Variants in UNC93A observed in about 807,000 individuals in gnomAD.
UNC93A encodes unc-93 homolog A, also known as N-acetylglucosamine transporter UNC93A.
UNC93A carries 43 observed loss-of-function variants against 47.5 expected under a neutral mutation model. That is an observed-to-expected ratio of 0.91 (90% CI 0.71 to 1.17). The LOEUF is 1.17. UNC93A is among the 50% of genes most tolerant of loss of function. The pLI is 0.00. For missense variants in UNC93A, 605 were observed against 577.6 expected, an observed-to-expected ratio of 1.05 and a Z score of -0.49; for synonymous variants, 280 against 258.0, an observed-to-expected ratio of 1.09 and a Z score of -0.82.
At chr6:167,314,695 G>A (rs1778645117) in intron 7 of UNC93A, among the ~76,000 whole-genome samples, 1 of 152,146 alleles carries the variant, frequency 6.6e-6, no homozygotes, top group Non-Finnish European at 1.5e-5. Flanking sequence ...CTTTGAAGAG[G>A]CTAATCAGAA....
chr6:167,287,090 G>A (rs1046552547), upstream of UNC93A, among the ~76,000 whole-genome samples: 13 of 151,846 alleles, frequency 8.6e-5, no homozygotes, highest in African/African-American at 1.4e-4. Flanking sequence ...ATCACAGCCC[G>A]GCTTCCTCGG....
chr6:167,314,557 C>T (rs1778639931), intron 7 of UNC93A, among the ~76,000 whole-genome samples: 1 of 152,208 alleles, frequency 6.6e-6, no homozygotes, highest in Admixed American at 6.5e-5. Flanking sequence ...GCAGGAAAAT[C>T]CTGGGGCTCC....
rs1337859679 is a variant in UNC93A, at chr6:167,307,929, C to T, written c.1108+19C>T. On this transcript the variant is annotated intron_variant, in intron 7 of 7. Coordinates refer to ENST00000230256, the MANE Select transcript of UNC93A (RefSeq NM_018974.4). ...AACAATGGTGAGTCCCCAGCCCAGGCCCCTTCCTCTGTGGCAGCAGGGGGC... is the reference window on the plus strand; with the variant it reads ...AACAATGGTGAGTCCCCAGCCCAGGTCCCTTCCTCTGTGGCAGCAGGGGGC... The T allele has an allele frequency of 6.2e-7, 1 of 1,612,464 alleles. No homozygotes were observed. Among genetic ancestry groups the T allele is most frequent in the Non-Finnish European group, 8.5e-7 (1 of 1,179,188 alleles).
rs374374645 is a variant in UNC93A, at chr6:167,302,851, G to A, written c.626-1068G>A. Among the ~76,000 whole-genome samples, 35 of 152,274 alleles carry A rather than the reference G, an allele frequency of 2.3e-4. 1 individual carries two copies. Among genetic ancestry groups the A allele is most frequent in the African/African-American group, 7.9e-4 (33 of 41,540 alleles). ...AGCTGCGGTCTGAGAACCTTAAGTG[G>A]AAAATTCCAGAAATAAATAATTCAT... On this transcript the variant is annotated intron_variant, in intron 4 of 7. Transcript: ENST00000230256.
chr6:167,294,471 G>T, intron 1 of UNC93A, 46 bp from the exon 2 acceptor site: 4 of 1,604,048 alleles, frequency 2.5e-6, no homozygotes, highest in Non-Finnish European at 3.4e-6. Flanking sequence ...GCCTCATCCC[G>T]CTGTGTCCAT....
At chr6:167,294,728 A>AC in intron 2 of UNC93A, 30 bp downstream of exon 2, 1 of 1,292,850 alleles carries the variant, frequency 7.7e-7, no homozygotes, top group Non-Finnish European at 1.0e-6. Context: ...TGCCCACCCC[A>AC]CCCCGGCCGT....
chr6:167,297,151 C>T (rs988838952), intron 3 of UNC93A, among the ~76,000 whole-genome samples: 4 of 152,136 alleles, frequency 2.6e-5, no homozygotes, highest in Admixed American at 2.6e-4. Context: ...ATATCACGGC[C>T]AGTGAAGTGG....
At chr6:167,292,386 C>T (rs1227208334) in intron 1 of UNC93A, among the ~76,000 whole-genome samples, 8 of 152,178 alleles carry the variant, frequency 5.3e-5, no homozygotes, top group Non-Finnish European at 8.8e-5. Flanking sequence ...AAGAATTGGG[C>T]ACCTACTGTG....
At chr6:167,298,169 C>T in intron 4 of UNC93A, 99 bp downstream of exon 4, 2 of 1,490,926 alleles carry the variant, frequency 1.3e-6, no homozygotes, top group Non-Finnish European at 1.8e-6. Flanking sequence ...TAAAAGTAAT[C>T]TCTCTTCTTC....
At chr6:167,278,788 G>A (rs1267906289) in intron 1 of UNC93A, among the ~76,000 whole-genome samples, 1 of 152,168 alleles carries the variant, frequency 6.6e-6, no homozygotes, top group Non-Finnish European at 1.5e-5. Flanking sequence ...GGGTGGCACT[G>A]TGTGGAAGCC....
chr6:167,287,973 A>G (rs73264816), upstream of UNC93A, among the ~76,000 whole-genome samples: 2,924 of 152,176 alleles, frequency 0.019, 106 homozygotes, highest in African/African-American at 0.067. Flanking sequence ...TTGTTCAGGG[A>G]CCCTGCAGGC....
At chr6:167,300,015 G>A (rs1008349451) in intron 4 of UNC93A, among the ~76,000 whole-genome samples, 1 of 152,158 alleles carries the variant, frequency 6.6e-6, no homozygotes, top group African/African-American at 2.4e-5. Context: ...AGATGGAGGG[G>A]CTGAGAGAGA....
intron 6 of UNC93A, among the ~76,000 whole-genome samples, chr6:167,307,456 C>CATTTCCAGAGGATGGTTGAGAT (rs11270007): frequency 2.7e-5 from 4 of 150,460 alleles, no homozygotes; most frequent in African/African-American, 9.8e-5. Context: ...TTCCAGAGGA[C>CATTTCCAGAGGATGGTTGAGAT]GGTTCCAGAG....
intron 1 of UNC93A, among the ~76,000 whole-genome samples, chr6:167,283,361 G>T (rs751709410): frequency 6.6e-6 from 1 of 152,174 alleles, no homozygotes; most frequent in Non-Finnish European, 1.5e-5. Flanking sequence ...CTGGCCAGTT[G>T]TTCCTGAATT....
chr6:167,280,097 G>C (rs559481258), intron 1 of UNC93A, among the ~76,000 whole-genome samples: 90 of 152,216 alleles, frequency 5.9e-4, no homozygotes, highest in African/African-American at 2.1e-3. Context: ...GCCTTTTATT[G>C]ATAAGTATTA....
chr6:167,283,496 G>A (rs6933998), intron 1 of UNC93A, among the ~76,000 whole-genome samples: 2,916 of 152,224 alleles, frequency 0.019, 105 homozygotes, highest in African/African-American at 0.067. Context: ...TCCGTTGCGG[G>A]TCTTACAATT....
intron 1 of UNC93A, among the ~76,000 whole-genome samples, chr6:167,275,798 G>A (rs1783529400): frequency 1.3e-5 from 2 of 152,234 alleles, no homozygotes; most frequent in Admixed American, 1.3e-4. Context: ...GTATGCTCGA[G>A]TATCCAAGAA....
chr6:167,282,055 C>A (rs1562342273), intron 1 of UNC93A, among the ~76,000 whole-genome samples: 1 of 152,162 alleles, frequency 6.6e-6, no homozygotes, highest in East Asian at 1.9e-4. Context: ...AACAAACAGA[C>A]CAGCAGACTA....
intron 7 of UNC93A, among the ~76,000 whole-genome samples, chr6:167,313,844 G>A (rs1562363051): frequency 6.6e-6 from 1 of 152,124 alleles, no homozygotes; most frequent in African/African-American, 2.4e-5. Context: ...ACAGACAAGA[G>A]GTGTTTAGAA....
Sources: gnomAD v4.1 joint callset for allele counts (sites outside exome capture counted in the v4.1 genomes callset) on GRCh38, gnomAD v4.1.1 for gene constraint, MANE v1.5 for transcripts, NCBI Gene and HGNC (gene_info 2026-07-23, HGNC 2026-07-21) for gene names.